The following ATL1 variants were observed in gnomAD, a reference collection of about 807,000 sequenced individuals.
The protein encoded by ATL1 is atlastin GTPase 1.
In ATL1, 31 loss-of-function variants were observed where a neutral mutation model predicts 75.5. The ratio of observed to expected loss-of-function variants is 0.41; its 90% CI spans 0.31 to 0.55. The LOEUF (loss-of-function observed/expected upper bound fraction) is 0.55, where lower values mean the gene tolerates loss of function less well. ATL1 is among the 20% of genes least tolerant of loss of function. ATL1 has a pLI of 0.27. For missense variants in ATL1, 405 were observed against 662.6 expected, an observed-to-expected ratio of 0.61 and a Z score of 4.27; for synonymous variants, 226 against 233.3, an observed-to-expected ratio of 0.97 and a Z score of 0.28.
chr14:50,538,600 C>T (rs2038522710), intron 1 of ATL1, among the ~76,000 whole-genome samples: 1 of 152,190 alleles, frequency 6.6e-6, no homozygotes, highest in Non-Finnish European at 1.5e-5. Flanking sequence ...CCAAAGTTTG[C>T]CCACACCTCA....
chr14:50,544,328 A>G (rs1027316930), intron 1 of ATL1, among the ~76,000 whole-genome samples: 2 of 152,204 alleles, frequency 1.3e-5, no homozygotes, highest in African/African-American at 4.8e-5. Context: ...TATCAGAACC[A>G]CAATTTTGTT....
intron 6 of ATL1, among the ~76,000 whole-genome samples, chr14:50,603,117 T>C (rs2039286296): frequency 6.6e-6 from 1 of 151,788 alleles, no homozygotes; most frequent in African/African-American, 2.4e-5. Context: ...GTAGGAAGCA[T>C]AAACCCTAAA....
intron 1 of ATL1, among the ~76,000 whole-genome samples, chr14:50,564,647 CAAAAAAAAAAAAAAAAAA>C (rs60054322): frequency 2.5e-5 from 1 of 40,004 alleles, no homozygotes; most frequent in African/African-American, 1.1e-4. Context: ...GATTCCGTCT[CAAAAAAAAAAAAAAAAAA>C]AAAAAAAAAA....
upstream of ATL1, among the ~76,000 whole-genome samples, chr14:50,557,321 C>G (rs1009172016): frequency 3.9e-5 from 6 of 152,208 alleles, no homozygotes; most frequent in Non-Finnish European, 7.3e-5. Context: ...TATTTCTACC[C>G]TATTCCCACC....
chr14:50,617,793 G>A (rs193183230), intron 8 of ATL1, among the ~76,000 whole-genome samples: 14 of 152,156 alleles, frequency 9.2e-5, no homozygotes, highest in Admixed American at 3.3e-4. Context: ...AATGCCCCTC[G>A]GCAAATCGAT....
chr14:50,597,933 GATCC>G (rs906070465), intron 6 of ATL1, among the ~76,000 whole-genome samples: 41 of 152,268 alleles, frequency 2.7e-4, no homozygotes, highest in African/African-American at 8.2e-4. Context: ...CTGACCTCAT[GATCC>G]ATCCGTCTCG....
chr14:50,566,003 T>C (rs2038900024), intron 1 of ATL1, among the ~76,000 whole-genome samples: 1 of 152,096 alleles, frequency 6.6e-6, no homozygotes, highest in African/African-American at 2.4e-5. Flanking sequence ...TTGTTTTCTT[T>C]TGTTTTGTTT....
chr14:50,540,099 A>T (rs2038542098), intron 1 of ATL1, among the ~76,000 whole-genome samples: 1 of 152,192 alleles, frequency 6.6e-6, no homozygotes, highest in Non-Finnish European at 1.5e-5. Flanking sequence ...CCCACATTGA[A>T]ACTGGGATCC....
At chr14:50,583,534 A>G (rs1159894882) in intron 1 of ATL1, among the ~76,000 whole-genome samples, 1 of 152,200 alleles carries the variant, frequency 6.6e-6, no homozygotes, top group Non-Finnish European at 1.5e-5. Context: ...CTACTCCCCC[A>G]AATTATAAAA....
At chr14:50,594,773 C>T (rs2934681) in intron 5 of ATL1, among the ~76,000 whole-genome samples, 44,795 of 152,078 alleles carry the variant, frequency 0.29, 9,366 homozygotes, top group African/African-American at 0.6. Flanking sequence ...GGCAGGTAGA[C>T]TGCTTGAGCC....
At chr14:50,570,150 T>C (rs1460228123) in intron 1 of ATL1, among the ~76,000 whole-genome samples, 2 of 152,220 alleles carry the variant, frequency 1.3e-5, no homozygotes, top group African/African-American at 2.4e-5. Flanking sequence ...CTCTTTCTTT[T>C]CTTCTTCTGT....
chr14:50,592,163 A>T (rs1478052304), intron 4 of ATL1, among the ~76,000 whole-genome samples: 3 of 152,106 alleles, frequency 2.0e-5, no homozygotes, highest in Non-Finnish European at 4.4e-5. Context: ...CTTTTTTAAA[A>T]GTCTTATTTT....
At position 50,628,241 on chromosome 14, in the gene ATL1, G is replaced by T. The variant is rs2039541394; in HGVS notation, c.1330G>T (p.Ala444Ser). Residue 444 changes from alanine (A) to serine (S), a missense_variant, in exon 12 of 14, where the codon GCA becomes TCA. Transcript: ENST00000358385. ...CAATGATAGCAAAAATATCTTCCAT[G>T]CAGCTCGTACCCCAGCCACACTGTT... ...KHNDSKNIFH[A>S]ARTPATLFVV... 1 of 1,614,140 alleles carries T rather than the reference G, an allele frequency of 6.2e-7. No individual in the cohort carries two copies. Among genetic ancestry groups the T allele is most frequent in the Non-Finnish European group, 8.5e-7 (1 of 1,180,022 alleles).
rs2140226849 is a variant in ATL1, at chr14:50,614,359, A to T, written c.724-14A>T. 1 of 1,613,866 alleles carries T rather than the reference A, an allele frequency of 6.2e-7. No homozygotes were observed. Among genetic ancestry groups the T allele is most frequent in the African/African-American group, 1.3e-5 (1 of 75,030 alleles). ...TGATGAAAGTAGTTTAAACTTCAGA[A>T]TGATTTACTGCAGGTCTCAGGGAAC... On this transcript the variant is annotated splice_polypyrimidine_tract_variant and intron_variant, in intron 7 of 13. Transcript: ENST00000358385.
chr14:50,621,732 A>G, intron 9 of ATL1, 111 bp from the exon 10 acceptor site: 4 of 724,182 alleles, frequency 5.5e-6, no homozygotes, highest in South Asian at 4.9e-5. Context: ...AATAGTTATA[A>G]GTTCCTGAAA....
intron 6 of ATL1, among the ~76,000 whole-genome samples, chr14:50,597,371 C>CAGTAGGAT (rs1464333274): frequency 6.6e-6 from 1 of 151,914 alleles, no homozygotes; most frequent in African/African-American, 2.4e-5. Flanking sequence ...AGACTATTTA[C>CAGTAGGAT]AGTAGGATAG....
At chr14:50,630,163 C>A (rs1213457108) in intron 13 of ATL1, among the ~76,000 whole-genome samples, 154 bp downstream of exon 13, 1 of 152,172 alleles carries the variant, frequency 6.6e-6, no homozygotes, top group African/African-American at 2.4e-5. Flanking sequence ...GAATTTTTAA[C>A]ATGGTCTTAA....
intron 6 of ATL1, among the ~76,000 whole-genome samples, chr14:50,600,126 G>C (rs2039258438): frequency 6.6e-6 from 1 of 151,828 alleles, no homozygotes; most frequent in South Asian, 2.1e-4. Context: ...TTACAGAAAG[G>C]GACTTTAGGT....
At position 50,620,587 on chromosome 14, in the gene ATL1, T is replaced by C. The variant is rs758265363; in HGVS notation, c.863-12T>C. On this transcript the variant is annotated splice_polypyrimidine_tract_variant and intron_variant, in intron 8 of 13. Coordinates refer to ENST00000358385, the MANE Select transcript of ATL1 (RefSeq NM_015915.5). ...ATTCCAAAAATAATAATGGATTTGCTTTTACTTGTAGAAATAGATGATGAA... is the reference window on the plus strand; with the variant it reads ...ATTCCAAAAATAATAATGGATTTGCCTTTACTTGTAGAAATAGATGATGAA... 3 of 1,610,286 alleles carry C rather than the reference T, an allele frequency of 1.9e-6. No individual in the cohort carries two copies. Among genetic ancestry groups the C allele is most frequent in the Non-Finnish European group, 2.5e-6 (3 of 1,177,524 alleles).
Sources: gnomAD v4.1 joint callset for allele counts (sites outside exome capture counted in the v4.1 genomes callset) on GRCh38, gnomAD v4.1.1 for gene constraint, MANE v1.5 for transcripts, NCBI Gene and HGNC (gene_info 2026-07-23, HGNC 2026-07-21) for gene names.